The following JAK1 variants were observed in gnomAD, a reference collection of about 807,000 sequenced individuals.
The protein encoded by JAK1 is tyrosine-protein kinase JAK1.
A neutral mutation model predicts 136.6 loss-of-function variants in JAK1; 16 were observed. That is an observed-to-expected ratio of 0.12 (90% CI 0.08 to 0.18). JAK1 has a LOEUF of 0.18. Among genes scored for constraint, JAK1 ranks in the 10% least tolerant of loss-of-function variants. The pLI is 1.00. For missense variants in JAK1, 859 were observed against 1,450.1 expected, an observed-to-expected ratio of 0.59 and a Z score of 6.62; for synonymous variants, 492 against 519.5, an observed-to-expected ratio of 0.95 and a Z score of 0.72.
intron 8 of JAK1, among the ~76,000 whole-genome samples, chr1:64,861,840 C>A (rs1385924938): frequency 2.6e-5 from 4 of 152,186 alleles, no homozygotes; most frequent in Admixed American, 1.3e-4. Context: ...CACTGCCTTG[C>A]GGGTGTGACC....
At chr1:64,837,242 T>A (rs1316706841) in intron 22 of JAK1, among the ~76,000 whole-genome samples, 1 of 152,206 alleles carries the variant, frequency 6.6e-6, no homozygotes, top group Admixed American at 6.5e-5. Flanking sequence ...AAGCAGGACC[T>A]TGATGCATTT....
intron 19 of JAK1, 81 bp from the exon 20 acceptor site, chr1:64,839,876 G>GC: frequency 8.1e-7 from 1 of 1,237,864 alleles, no homozygotes; most frequent in South Asian, 1.6e-5. Flanking sequence ...GCTCCTCACA[G>GC]CCGTTCCCCT....
chr1:64,937,887 C>CT (rs375954663), intron 1 of JAK1, among the ~76,000 whole-genome samples: 2,076 of 148,824 alleles, frequency 0.014, 44 homozygotes, highest in African/African-American at 0.048. Context: ...TCAAAATCTT[C>CT]TTTTTTTTTT....
chr1:65,053,368 C>G (rs948778891), intron 1 of JAK1, among the ~76,000 whole-genome samples: 11 of 152,002 alleles, frequency 7.2e-5, no homozygotes, highest in Admixed American at 5.9e-4. Context: ...AAACAAAAAA[C>G]GATGACTGGT....
At chr1:64,985,175 G>T (rs774155473) in intron 2 of JAK1, 8 of 1,448,210 alleles carry the variant, frequency 5.5e-6, no homozygotes, top group Non-Finnish European at 7.8e-6. Flanking sequence ...CACCAATGGT[G>T]ACACAGATGG....
chr1:64,841,781 C>A (rs565047411), intron 17 of JAK1, among the ~76,000 whole-genome samples, 180 bp from the exon 18 acceptor site: 4 of 152,300 alleles, frequency 2.6e-5, no homozygotes, highest in East Asian at 3.9e-4. Context: ...AGTCCTAATA[C>A]TGAATAGTCC....
chr1:64,856,593 G>T (rs1436592375), intron 10 of JAK1, among the ~76,000 whole-genome samples: 2 of 152,126 alleles, frequency 1.3e-5, no homozygotes, highest in Admixed American at 1.3e-4. Flanking sequence ...GGAGGAGGCT[G>T]GGCTGTCTCA....
chr1:65,012,511 T>C (rs545657400), intron 2 of JAK1, among the ~76,000 whole-genome samples: 11 of 152,210 alleles, frequency 7.2e-5, no homozygotes, highest in Non-Finnish European at 1.2e-4. Context: ...AATAAGACAG[T>C]AAGGAATTAG....
chr1:65,057,171 T>A (rs1216400484), intron 1 of JAK1, among the ~76,000 whole-genome samples: 1 of 152,170 alleles, frequency 6.6e-6, no homozygotes, highest in Non-Finnish European at 1.5e-5. Context: ...TCCATGAAAT[T>A]ACCTGAGCCT....
At chr1:65,052,875 A>AAAAG (rs1557776395) in intron 1 of JAK1, among the ~76,000 whole-genome samples, 1 of 147,492 alleles carries the variant, frequency 6.8e-6, no homozygotes, top group Non-Finnish European at 1.5e-5. Flanking sequence ...AAAAAAAAAA[A>AAAAG]AAAAAATTAG....
chr1:65,045,317 G>T lies in JAK1; in HGVS notation c.-180-735C>A, dbSNP rs572131954. Among the ~76,000 whole-genome samples the T allele has an allele frequency of 8.3e-4, 126 of 151,798 alleles. 2 individuals carry two copies. In the East Asian group the frequency reaches 0.022, roughly 26 times the overall value. On this transcript the variant is annotated intron_variant, in intron 1 of 25. Transcript: ENST00000671954. Reference sequence around the variant, plus strand: ...GAATGCTTATCTAATTTAGTGAAGGGTTTTTTTTTCTCCTTTTCTGCTTAG... The same window carrying T: ...GAATGCTTATCTAATTTAGTGAAGGTTTTTTTTTTCTCCTTTTCTGCTTAG...
chr1:64,912,700 G>A (rs1645305097), intron 1 of JAK1, among the ~76,000 whole-genome samples: 1 of 152,178 alleles, frequency 6.6e-6, no homozygotes, highest in African/African-American at 2.4e-5. Context: ...AGGTCATACT[G>A]CTGGGAAGCG....
intron 2 of JAK1, among the ~76,000 whole-genome samples, chr1:65,043,081 T>G (rs772155055): frequency 2.0e-5 from 3 of 152,112 alleles, no homozygotes; most frequent in Non-Finnish European, 4.4e-5. Context: ...AAAAAGTAGA[T>G]CATGGAATCT....
At chr1:64,904,982 G>A (rs1645168227) in intron 1 of JAK1, among the ~76,000 whole-genome samples, 2 of 152,126 alleles carry the variant, frequency 1.3e-5, no homozygotes, top group South Asian at 4.1e-4. Context: ...TGATAAAACA[G>A]GTAGGCACAA....
At position 64,985,646 on chromosome 1, in the gene JAK1, C is replaced by T. The variant is rs2100707758; in HGVS notation, c.-78+58834G>A. On this transcript the variant is annotated intron_variant, in intron 2 of 25. Coordinates refer to the JAK1 transcript ENST00000671954. The stretch of plus-strand genomic sequence containing the variant: ...GGTTGAGAGTGCCAAAGACACCTTG[C>T]AGGCCAATAGGTGAGATGTCTCCGA... 3 of 751,422 alleles carry T rather than the reference C, an allele frequency of 4.0e-6. No individual in the cohort carries two copies. In the South Asian group the frequency reaches 4.7e-5, roughly 12 times the overall value. The allele number at this position is 751,422 out of a possible 1,614,324, so 46.5% of individuals were successfully genotyped here.
intron 1 of JAK1, among the ~76,000 whole-genome samples, chr1:64,925,937 T>C (rs1645576022): frequency 6.6e-6 from 1 of 152,328 alleles, no homozygotes; most frequent in South Asian, 2.1e-4. Context: ...CTTCCCACTA[T>C]AGTGGTACCT....
chr1:64,948,476 C>T (rs1179223818), intron 1 of JAK1, among the ~76,000 whole-genome samples: 1 of 152,212 alleles, frequency 6.6e-6, no homozygotes, highest in African/African-American at 2.4e-5. Context: ...AGGAGTGTAG[C>T]TATAAGCTTG....
chr1:64,865,417 G>A (rs768581630), intron 7 of JAK1, among the ~76,000 whole-genome samples: 7 of 152,118 alleles, frequency 4.6e-5, no homozygotes, highest in Non-Finnish European at 8.8e-5. Context: ...TACTCAAGTC[G>A]GGATTTTCCA....
chr1:64,894,044 T>G (rs566064331), intron 1 of JAK1, among the ~76,000 whole-genome samples: 1 of 152,274 alleles, frequency 6.6e-6, no homozygotes, highest in East Asian at 1.9e-4. Flanking sequence ...TTGGGTACAA[T>G]CAACAGAAAC....
Sources: allele counts gnomAD v4.1 joint callset (sites outside exome capture counted in the v4.1 genomes callset), GRCh38; gene constraint gnomAD v4.1.1; transcripts MANE v1.5; gene names NCBI Gene and HGNC (gene_info 2026-07-23, HGNC 2026-07-21).